The following CHIC1 variants were observed in gnomAD, a reference collection of about 807,000 sequenced individuals.
CHIC1 encodes cysteine-rich hydrophobic domain-containing protein 1.
A neutral mutation model predicts 18.5 loss-of-function variants in CHIC1; 7 were observed. The ratio of observed to expected loss-of-function variants is 0.38; its 90% CI spans 0.22 to 0.71. The LOEUF (loss-of-function observed/expected upper bound fraction) is 0.71. Ranked by LOEUF, CHIC1 falls within the 30% of genes least tolerant of loss-of-function variation. The probability of loss-of-function intolerance (pLI) is 0.49; values close to 1 mark genes in which losing one functional copy is unlikely to be tolerated. For synonymous variants in CHIC1, 77 were observed against 73.5 expected, an observed-to-expected ratio of 1.05 and a Z score of -0.25; for missense variants, 159 against 176.9, an observed-to-expected ratio of 0.90 and a Z score of 0.57.
intron 3 of CHIC1, among the ~76,000 whole-genome samples, chrX:73,622,455 C>A (rs1366020047): frequency 9.0e-6 from 1 of 111,715 alleles, no homozygotes; most frequent in African/African-American, 3.3e-5. Context: ...TTATCCATTT[C>A]TTTGATATTT....
chrX:73,623,311 G>A (rs763960387), intron 3 of CHIC1, among the ~76,000 whole-genome samples: 1 of 110,215 alleles, frequency 9.1e-6, no homozygotes, highest in Non-Finnish European at 1.9e-5. Context: ...TTATTGTGTG[G>A]GAGTCTAAGT....
chrX:73,570,952 G>A (rs1317814554), intron 1 of CHIC1, among the ~76,000 whole-genome samples: 1 of 110,760 alleles, frequency 9.0e-6, no homozygotes, highest in Non-Finnish European at 1.9e-5. Flanking sequence ...AGATGGACTT[G>A]TCATTTTGAG....
chrX:73,572,432 G>C (rs1237229802), intron 1 of CHIC1, among the ~76,000 whole-genome samples: 1 of 110,750 alleles, frequency 9.0e-6, no homozygotes, highest in East Asian at 2.8e-4. Context: ...ATATGGGCAC[G>C]TGTGTAATTT....
chrX:73,599,552 G>A (rs1313408865), intron 3 of CHIC1, among the ~76,000 whole-genome samples: 1 of 104,882 alleles, frequency 9.5e-6, no homozygotes, highest in African/African-American at 3.8e-5. Context: ...TCTACATCTG[G>A]CTAGCCAGTT....
chrX:73,641,067 T>A (rs2057853420), intron 3 of CHIC1, among the ~76,000 whole-genome samples: 1 of 111,897 alleles, frequency 8.9e-6, no homozygotes, highest in Non-Finnish European at 1.9e-5. Context: ...TTTCAAAAAA[T>A]TTCTTGATTT....
At chrX:73,574,633 A>G (rs771342109) in intron 1 of CHIC1, among the ~76,000 whole-genome samples, 34 of 110,160 alleles carry the variant, frequency 3.1e-4, no homozygotes, top group African/African-American at 6.9e-4. Context: ...TAGGGCTTCA[A>G]ATCTTCCTGA....
chrX:73,598,228 C>T (rs1192301634), intron 3 of CHIC1, among the ~76,000 whole-genome samples: 1 of 111,039 alleles, frequency 9.0e-6, no homozygotes, highest in Non-Finnish European at 1.9e-5. Context: ...CTAATTTACA[C>T]TCTCCATCCT....
At chrX:73,579,718 C>T (rs1416187462) in intron 2 of CHIC1, among the ~76,000 whole-genome samples, 2 of 110,580 alleles carry the variant, frequency 1.8e-5, no homozygotes, top group African/African-American at 3.3e-5. Context: ...TTAGTACGTT[C>T]TACCTTCCTA....
rs767715862 is a variant in CHIC1, at chrX:73,681,201, G to T, written c.*196G>T. On this transcript the variant is annotated 3_prime_UTR_variant, in exon 6 of 6. Transcript: ENST00000373502. ...TGTCTTTCAATGAGGCTTGTGTTTT[G>T]CACTCTCAATTTTAAATACACACAC... 42 of 371,764 alleles carry T rather than the reference G, an allele frequency of 1.1e-4. No homozygotes were observed. Among genetic ancestry groups the T allele is most frequent in the Non-Finnish European group, 1.9e-4 (41 of 217,293 alleles). The allele number at this position is 371,764 out of a possible 1,213,427, so 30.6% of individuals were successfully genotyped here. A position where few individuals can be genotyped will look rare whatever the true frequency, so the allele number is the denominator to read the frequency against.
At chrX:73,606,998 G>T (rs539167174) in intron 3 of CHIC1, among the ~76,000 whole-genome samples, 1 of 109,100 alleles carries the variant, frequency 9.2e-6, no homozygotes, top group South Asian at 3.8e-4. Context: ...CCTTAGCAGA[G>T]CTTGAGCACT....
chrX:73,663,439 G>A (rs2057990251), intron 3 of CHIC1, among the ~76,000 whole-genome samples: 1 of 110,519 alleles, frequency 9.0e-6, no homozygotes, highest in South Asian at 3.9e-4. Flanking sequence ...TGGGCTAATA[G>A]GTCTCGTTCC....
chrX:73,632,588 C>T (rs1300312823), intron 3 of CHIC1, among the ~76,000 whole-genome samples: 6 of 107,996 alleles, frequency 5.6e-5, no homozygotes, highest in Admixed American at 9.9e-5. Context: ...TTTTTTTTCT[C>T]TCATCTTTTG....
chrX:73,638,566 G>A (rs184635757), intron 3 of CHIC1, among the ~76,000 whole-genome samples: 4 of 111,033 alleles, frequency 3.6e-5, no homozygotes, highest in African/African-American at 6.5e-5. Context: ...ACATGTGCAC[G>A]TTTGTCATAT....
chrX:73,580,990 G>A (rs770062924), intron 2 of CHIC1, among the ~76,000 whole-genome samples: 74 of 110,825 alleles, frequency 6.7e-4, no homozygotes, highest in African/African-American at 2.2e-3. Flanking sequence ...ATTTCATATC[G>A]AACAGATGTA....
intron 1 of CHIC1, among the ~76,000 whole-genome samples, chrX:73,573,434 T>G: frequency 9.0e-6 from 1 of 111,679 alleles, no homozygotes; most frequent in Non-Finnish European, 1.9e-5. Context: ...TCCTTTTTTG[T>G]TTCTGTATAA....
intron 3 of CHIC1, among the ~76,000 whole-genome samples, chrX:73,677,962 T>A (rs2147632551): frequency 9.1e-6 from 1 of 110,191 alleles, no homozygotes; most frequent in East Asian, 2.8e-4. Context: ...AGTCTGTTGC[T>A]GGAAAATTAT....
intron 5 of CHIC1, 35 bp from the exon 6 acceptor site, chrX:73,680,920 T>A (rs2058095855): frequency 2.6e-6 from 2 of 771,297 alleles, no homozygotes; most frequent in Non-Finnish European, 3.8e-6. Flanking sequence ...AAATGAAAAA[T>A]ATTTTGTAAA....
chrX:73,666,704 T>C (rs2058005808), intron 3 of CHIC1, among the ~76,000 whole-genome samples: 1 of 112,417 alleles, frequency 8.9e-6, no homozygotes, highest in African/African-American at 3.2e-5. Flanking sequence ...CTAATTTGAT[T>C]GTTCTGTGCT....
chrX:73,648,929 A>T (rs1358345809), intron 3 of CHIC1, among the ~76,000 whole-genome samples: 1 of 111,808 alleles, frequency 8.9e-6, no homozygotes, highest in Non-Finnish European at 1.9e-5. Context: ...TGAAGGAAAA[A>T]GTGTTAAGGC....
Sources: allele counts gnomAD v4.1 joint callset (sites outside exome capture counted in the v4.1 genomes callset), GRCh38; gene constraint gnomAD v4.1.1; transcripts MANE v1.5; gene names NCBI Gene and HGNC (gene_info 2026-07-23, HGNC 2026-07-21).